Variants in SLC26A4 observed in about 807,000 individuals in gnomAD.
The protein encoded by SLC26A4 is solute carrier family 26 member 4, also known as pendrin.
In SLC26A4, 93 loss-of-function variants were observed where a neutral mutation model predicts 90.4. That is an observed-to-expected ratio of 1.03 (90% CI 0.87 to 1.22). The LOEUF is 1.22. SLC26A4 is among the 50% of genes most tolerant of loss of function. SLC26A4 has a pLI of 0.00. For synonymous variants in SLC26A4, 393 were observed against 354.6 expected, an observed-to-expected ratio of 1.11 and a Z score of -1.22; for missense variants, 1,127 against 946.2, an observed-to-expected ratio of 1.19 and a Z score of -2.51.
chr7:107,693,942 T>A (rs1791655173), intron 10 of SLC26A4, among the ~76,000 whole-genome samples: 1 of 152,210 alleles, frequency 6.6e-6, no homozygotes, highest in South Asian at 2.1e-4. Context: ...TTATCAGAGT[T>A]GCTATTATAG....
At chr7:107,683,918 C>A (rs117829837) in intron 8 of SLC26A4, among the ~76,000 whole-genome samples, 2,469 of 152,256 alleles carry the variant, frequency 0.016, 22 homozygotes, top group Non-Finnish European at 0.024. Context: ...GGCCTAAATT[C>A]TCTATCATTT....
chr7:107,684,071 T>A (rs1791329571), intron 8 of SLC26A4, among the ~76,000 whole-genome samples: 1 of 152,194 alleles, frequency 6.6e-6, no homozygotes, highest in South Asian at 2.1e-4. Flanking sequence ...CTCTGTCACC[T>A]TCCAGTTTTG....
At chr7:107,694,292 G>C in intron 10 of SLC26A4, 111 bp from the exon 11 acceptor site, 1 of 800,578 alleles carries the variant, frequency 1.2e-6, no homozygotes, top group Non-Finnish European at 2.2e-6. Context: ...GGGGGAGACA[G>C]GGAAGTATGA....
intron 19 of SLC26A4, among the ~76,000 whole-genome samples, chr7:107,710,587 G>C (rs918869621): frequency 6.6e-6 from 1 of 152,146 alleles, no homozygotes; most frequent in African/African-American, 2.4e-5. Context: ...AATTATAAAT[G>C]TCTTTAAACA....
chr7:107,716,350 TTAAAA>T lies in SLC26A4; in HGVS notation c.*906_*910del, dbSNP rs1792346209. 1 of 152,152 alleles carries T rather than the reference TTAAAA, an allele frequency of 6.6e-6. No individual in the cohort carries two copies. Among genetic ancestry groups the T allele is most frequent in the Non-Finnish European group, 1.5e-5 (1 of 68,004 alleles). The allele number at this position is 152,152 out of a possible 1,614,324, so 9.4% of individuals were successfully genotyped here. A position where few individuals can be genotyped will look rare whatever the true frequency, so the allele number is the denominator to read the frequency against. ...TGATGTGCTTACATAACCATGGTGA[TTAAAA>T]TGAGTTTATATTTTTTCTCAAAAAT... On this transcript the variant is annotated 3_prime_UTR_variant, in exon 21 of 21. Coordinates refer to ENST00000644269, the MANE Select transcript of SLC26A4 (RefSeq NM_000441.2).
Position 107,704,225 on chromosome 7 carries a change from T to G in SLC26A4, c.2035-106T>G, listed in dbSNP as rs1411093896. 6.6e-5 allele frequency: 45 copies of G among 678,230 alleles called. No homozygotes were observed. In the East Asian group the frequency reaches 1.2e-3, roughly 18 times the overall value. The allele number at this position is 678,230 out of a possible 1,614,324, so 42.0% of individuals were successfully genotyped here. A position where few individuals can be genotyped will look rare whatever the true frequency, so the allele number is the denominator to read the frequency against. On this transcript the variant is annotated intron_variant, in intron 17 of 20. Transcript: ENST00000644269. ...AATAACCTTTCCTTAAAGTCCTGAT[T>G]AACCATGAAAGTAATAATGTTTCTC...
chr7:107,663,939 T>A (rs1467268141), intron 3 of SLC26A4, among the ~76,000 whole-genome samples: 1 of 152,108 alleles, frequency 6.6e-6, no homozygotes, highest in Non-Finnish European at 1.5e-5. Context: ...TGCCTTGGCC[T>A]CCCAAAATGC....
At chr7:107,679,026 T>C (rs958557394) in intron 6 of SLC26A4, among the ~76,000 whole-genome samples, 3 of 152,066 alleles carry the variant, frequency 2.0e-5, no homozygotes, top group Non-Finnish European at 4.4e-5. Context: ...TGCAAAGAAA[T>C]AGGGGAGAAA....
At position 107,675,123 on chromosome 7, in the gene SLC26A4, C is replaced by T. The variant is rs201268382; in HGVS notation, c.765+14C>T. ...TCTATTATCTATGTAAGTGTTGCTTCTTGCTCCAGGGATGGGTCACTGTTC... is the reference window on the plus strand; with the variant it reads ...TCTATTATCTATGTAAGTGTTGCTTTTTGCTCCAGGGATGGGTCACTGTTC... On this transcript the variant is annotated intron_variant, in intron 6 of 20. Coordinates refer to ENST00000644269, the MANE Select transcript of SLC26A4 (RefSeq NM_000441.2). 5 of 1,612,388 alleles carry T rather than the reference C, an allele frequency of 3.1e-6. No individual in the cohort carries two copies. The highest frequency in any genetic ancestry group is 1.7e-4 in the Middle Eastern group (1 of 6,060).
chr7:107,668,609 A>C (rs1174012517), intron 3 of SLC26A4, among the ~76,000 whole-genome samples: 1 of 152,204 alleles, frequency 6.6e-6, no homozygotes, highest in Non-Finnish European at 1.5e-5. Flanking sequence ...TGTTATTAAA[A>C]CAAATTCCCA....
chr7:107,661,509 C>A lies in SLC26A4; in HGVS notation c.-3-130C>A. ...AGCGCCGAGGGCTGCAGGACGCGGA[C>A]CAGACTCGCGGTGCAGGGGGGCCTG... On this transcript the variant is annotated intron_variant, in intron 1 of 20. Transcript: ENST00000644269. The surrounding 1 kb of genome is among the most constrained non-coding windows in gnomAD (Gnocchi z 5.1). The A allele has an allele frequency of 9.3e-7, 1 of 1,075,452 alleles. No individual in the cohort carries two copies. The highest frequency in any genetic ancestry group is 1.4e-6 in the Non-Finnish European group (1 of 736,842). The allele number at this position is 1,075,452 out of a possible 1,614,324, so 66.6% of individuals were successfully genotyped here. A position where few individuals can be genotyped will look rare whatever the true frequency, so the allele number is the denominator to read the frequency against.
chr7:107,665,301 C>T (rs532951298), intron 3 of SLC26A4, among the ~76,000 whole-genome samples: 97 of 152,084 alleles, frequency 6.4e-4, no homozygotes, highest in African/African-American at 1.5e-3. Flanking sequence ...GGTAGATGCC[C>T]GAAGAGAAGG....
intron 8 of SLC26A4, among the ~76,000 whole-genome samples, chr7:107,685,420 G>A (rs1019484348): frequency 1.5e-4 from 23 of 152,288 alleles, no homozygotes; most frequent in African/African-American, 5.3e-4. Context: ...GAGGGACAGA[G>A]AGATTGTGAT....
At chr7:107,688,347 T>A (rs1308015682) in intron 8 of SLC26A4, among the ~76,000 whole-genome samples, 1 of 152,150 alleles carries the variant, frequency 6.6e-6, no homozygotes, top group East Asian at 1.9e-4. Flanking sequence ...ACCATATGGA[T>A]AGTCATCAAG....
chr7:107,711,331 A>T (rs1472792171), intron 19 of SLC26A4, among the ~76,000 whole-genome samples: 3 of 152,192 alleles, frequency 2.0e-5, no homozygotes, highest in African/African-American at 7.2e-5. Context: ...CCAAGGTATC[A>T]AGTTCTTTCT....
At chr7:107,704,638 G>A (rs1269478457) in intron 18 of SLC26A4, among the ~76,000 whole-genome samples, 3 of 152,190 alleles carry the variant, frequency 2.0e-5, no homozygotes, top group Non-Finnish European at 2.9e-5. Context: ...GCAACAAAGA[G>A]TATATTAGTC....
At chr7:107,674,924 C>G (rs750585673) in intron 5 of SLC26A4, 21 bp from the exon 6 acceptor site, 3 of 1,612,374 alleles carry the variant, frequency 1.9e-6, no homozygotes, top group Non-Finnish European at 2.5e-6. Context: ...TTTAATTTTT[C>G]TTTCCTTTTC....
At chr7:107,692,734 C>A (rs1325310945) in intron 10 of SLC26A4, among the ~76,000 whole-genome samples, 2 of 152,104 alleles carry the variant, frequency 1.3e-5, no homozygotes, top group East Asian at 1.9e-4. Flanking sequence ...GATTACAAAC[C>A]ACTCTTTAGC....
intron 6 of SLC26A4, 114 bp from the exon 7 acceptor site, chr7:107,683,085 TATC>T: frequency 1.3e-6 from 1 of 773,532 alleles, no homozygotes; most frequent in Non-Finnish European, 2.2e-6. Flanking sequence ...TTGATGCTGA[TATC>T]ATGGTTTTTC....
Sources: allele counts gnomAD v4.1 joint callset (sites outside exome capture counted in the v4.1 genomes callset), GRCh38; gene constraint gnomAD v4.1.1; non-coding constraint Gnocchi (gnomAD v3.1); transcripts MANE v1.5; gene names NCBI Gene and HGNC (gene_info 2026-07-23, HGNC 2026-07-21).